The following ADARB2 variants were observed in gnomAD, a reference collection of about 807,000 sequenced individuals.
ADARB2 encodes the protein inactive double-stranded RNA-specific editase B2.
A neutral mutation model predicts 62.2 loss-of-function variants in ADARB2; 25 were observed. That is an observed-to-expected ratio of 0.40 (90% CI 0.29 to 0.56). The LOEUF (loss-of-function observed/expected upper bound fraction) is 0.56. Ranked by LOEUF, ADARB2 falls within the 20% of genes least tolerant of loss-of-function variation. The probability of loss-of-function intolerance (pLI) is 0.43; values close to 1 mark genes in which losing one functional copy is unlikely to be tolerated. For synonymous variants in ADARB2, 572 were observed against 500.8 expected, an observed-to-expected ratio of 1.14 and a Z score of -1.90; for missense variants, 1,071 against 1,077.4, an observed-to-expected ratio of 0.99 and a Z score of 0.08.
chr10:1,614,257 C>A (rs10751806), intron 1 of ADARB2, among the ~76,000 whole-genome samples: 1 of 152,092 alleles, frequency 6.6e-6, no homozygotes, highest in Non-Finnish European at 1.5e-5. Context: ...ATTAACAGAA[C>A]ATCAATGTTT....
At chr10:1,243,220 G>T (rs1008532414) in intron 4 of ADARB2, among the ~76,000 whole-genome samples, 7 of 152,248 alleles carry the variant, frequency 4.6e-5, no homozygotes, top group African/African-American at 1.7e-4. Flanking sequence ...AGGAGCCTTG[G>T]GATGTGACAG....
chr10:1,513,630 G>A (rs537997378), intron 1 of ADARB2, among the ~76,000 whole-genome samples: 1 of 152,360 alleles, frequency 6.6e-6, no homozygotes, highest in East Asian at 1.9e-4. Flanking sequence ...GGGCAGCCCT[G>A]AGGAGAGGGG....
chr10:1,500,185 C>T (rs923363861), intron 1 of ADARB2, among the ~76,000 whole-genome samples: 1 of 152,238 alleles, frequency 6.6e-6, no homozygotes, highest in African/African-American at 2.4e-5. Flanking sequence ...CTGAACCCAG[C>T]ACGGAAGTGC....
intron 1 of ADARB2, among the ~76,000 whole-genome samples, chr10:1,408,136 C>G (rs1832722291): frequency 6.6e-6 from 1 of 152,112 alleles, no homozygotes; most frequent in Admixed American, 6.5e-5. Context: ...TGCATGCATC[C>G]TTCTTAATGA....
chr10:1,569,686 T>C (rs1832909687), intron 1 of ADARB2, among the ~76,000 whole-genome samples: 1 of 152,190 alleles, frequency 6.6e-6, no homozygotes, highest in Non-Finnish European at 1.5e-5. Context: ...CAGTTTAGGG[T>C]TTAATTGGCC....
At position 1,626,734 on chromosome 10, in the gene ADARB2, C is replaced by T. The variant is rs192226640; in HGVS notation, c.100+110317G>A. ...GCTACACACGTCCCGGCTTGTCGCT[C>T]ACCACCTGTTAACAGCCACGCACAA... is the stretch of plus-strand genomic sequence containing the variant. On this transcript the variant is annotated intron_variant, in intron 1 of 9. Coordinates refer to ENST00000381312, the MANE Select transcript of ADARB2 (RefSeq NM_018702.4). Among the ~76,000 whole-genome samples the T allele has an allele frequency of 2.5e-3, 387 of 152,336 alleles. 1 individual carries two copies. Among genetic ancestry groups the T allele is most frequent in the Non-Finnish European group, 3.9e-3 (266 of 68,034 alleles).
intron 1 of ADARB2, among the ~76,000 whole-genome samples, chr10:1,562,793 C>T (rs1832802677): frequency 6.6e-6 from 1 of 152,196 alleles, no homozygotes; most frequent in Non-Finnish European, 1.5e-5. Context: ...AAGGTCAGGC[C>T]TTTGCCCTTG....
chr10:1,234,769 GTGA>G (rs1830848141), intron 5 of ADARB2, among the ~76,000 whole-genome samples: 1 of 25,022 alleles, frequency 4.0e-5, no homozygotes, highest in Non-Finnish European at 8.7e-5. Context: ...TTTTTTTTTT[GTGA>G]CGGAGTCTTG....
intron 1 of ADARB2, among the ~76,000 whole-genome samples, chr10:1,561,008 C>G (rs190765832): frequency 1.1e-3 from 174 of 152,276 alleles, no homozygotes; most frequent in African/African-American, 4.0e-3. Context: ...CCTCACTCAC[C>G]GTCCAACAGA....
chr10:1,683,330 G>A (rs1281372667), intron 1 of ADARB2, among the ~76,000 whole-genome samples: 6 of 152,162 alleles, frequency 3.9e-5, no homozygotes, highest in African/African-American at 1.4e-4. Context: ...AGCACATTTC[G>A]GGGAACATGA....
intron 6 of ADARB2, among the ~76,000 whole-genome samples, chr10:1,223,210 C>T (rs559383394): frequency 1.3e-5 from 2 of 151,994 alleles, no homozygotes; most frequent in Non-Finnish European, 2.9e-5. Flanking sequence ...TGATTTGGCT[C>T]TCTGTTTGTC....
rs1436725321 is a variant in ADARB2 at position 1,181,109 on chromosome 10, G to A, written c.*2084C>T. The A allele has an allele frequency of 6.6e-6, 1 of 152,240 alleles. No homozygotes were observed. Among genetic ancestry groups the A allele is most frequent in the Admixed American group, 6.5e-5 (1 of 15,286 alleles). The allele number at this position is 152,240 out of a possible 1,614,324, so 9.4% of individuals were successfully genotyped here. On this transcript the variant is annotated 3_prime_UTR_variant, in exon 10 of 10. Transcript: ENST00000381312. ...AACAGCGTGATTTGGAGCCCACTGG[G>A]ACAAAGCATTATATGCTTCTCTAGC...
At chr10:1,591,465 G>A (rs80341715) in intron 1 of ADARB2, among the ~76,000 whole-genome samples, 4 of 152,086 alleles carry the variant, frequency 2.6e-5, no homozygotes, top group Non-Finnish European at 4.4e-5. Flanking sequence ...AGACAGTGGG[G>A]CTGCATTTGG....
At chr10:1,666,168 T>G (rs1834313921) in intron 1 of ADARB2, among the ~76,000 whole-genome samples, 1 of 151,952 alleles carries the variant, frequency 6.6e-6, no homozygotes, top group Non-Finnish European at 1.5e-5. Context: ...CGCACAAGGG[T>G]TCAGGGCTGC....
chr10:1,296,572 C>T (rs1293137048), intron 3 of ADARB2, among the ~76,000 whole-genome samples: 3 of 152,024 alleles, frequency 2.0e-5, no homozygotes, highest in Non-Finnish European at 4.4e-5. Context: ...TACAGAAGGC[C>T]AAGTGCTCCA....
intron 3 of ADARB2, chr10:1,292,125 C>T (rs1831471510): frequency 6.6e-6 from 1 of 152,238 alleles, no homozygotes; most frequent in South Asian, 2.1e-4. Context: ...CTGGGTGTTT[C>T]CAGATAGTCT....
chr10:1,715,131 GTGGTGTGACATCC>G (rs1350189804), intron 1 of ADARB2, among the ~76,000 whole-genome samples: 1 of 151,140 alleles, frequency 6.6e-6, no homozygotes, highest in Non-Finnish European at 1.5e-5. Flanking sequence ...TTTTCTCTCT[GTGGTGTGACATCC>G]TGGTTTGGTT....
rs546378592 is a variant in ADARB2, at chr10:1,403,479, C to T, written c.101-24319G>A. 3.9e-5 allele frequency among the ~76,000 whole-genome samples: 6 copies of T among 152,306 alleles called. No homozygotes were observed. In the South Asian group the frequency reaches 1.0e-3, roughly 26 times the overall value. On this transcript the variant is annotated intron_variant, in intron 1 of 9. Coordinates refer to ENST00000381312, the MANE Select transcript of ADARB2 (RefSeq NM_018702.4). ...ATACGTTTTTTAAGGGCTTTTGCTA[C>T]TTTTGTCAGTGAGAGCCATTCTCAT...
At chr10:1,385,438 A>G (rs1424131021) in intron 1 of ADARB2, among the ~76,000 whole-genome samples, 4 of 145,440 alleles carry the variant, frequency 2.8e-5, no homozygotes, top group Non-Finnish European at 6.1e-5. Context: ...TGGTAGAGAA[A>G]TGGAAACTAT....
Sources: gnomAD v4.1 joint callset for allele counts (sites outside exome capture counted in the v4.1 genomes callset) on GRCh38, gnomAD v4.1.1 for gene constraint, MANE v1.5 for transcripts, NCBI Gene and HGNC (gene_info 2026-07-23, HGNC 2026-07-21) for gene names.